Variants in ST8SIA5 observed in about 807,000 individuals in gnomAD.
ST8SIA5 encodes ST8 alpha-N-acetyl-neuraminide alpha-2,8-sialyltransferase 5, also known as alpha-2,8-sialyltransferase 8E.
Under a neutral mutation model 40.2 loss-of-function variants are expected in ST8SIA5, and 24 were observed. That is an observed-to-expected ratio of 0.60 (90% CI 0.43 to 0.84). The LOEUF is 0.84. ST8SIA5 is among the 40% of genes least tolerant of loss of function. ST8SIA5 has a pLI of 0.00. For missense variants in ST8SIA5, 465 were observed against 498.5 expected (o/e 0.93, Z 0.64); for synonymous variants, 198 against 201.8 (o/e 0.98, Z 0.16).
intron 1 of ST8SIA5, among the ~76,000 whole-genome samples, chr18:46,732,600 C>T (rs2039995346): frequency 6.6e-6 from 1 of 152,134 alleles, no homozygotes; most frequent in Non-Finnish European, 1.5e-5. Context: ...GACTGTACTC[C>T]CTATCATTAG....
intron 3 of ST8SIA5, chr18:46,691,475 C>T (rs1162173496): frequency 6.6e-6 from 1 of 152,286 alleles, no homozygotes; most frequent in Non-Finnish European, 1.5e-5. Context: ...TGCCAGATTA[C>T]ATCAACTCCA....
At chr18:46,709,729 G>A (rs2039703676) in intron 1 of ST8SIA5, among the ~76,000 whole-genome samples, 1 of 152,216 alleles carries the variant, frequency 6.6e-6, no homozygotes, top group African/African-American at 2.4e-5. Context: ...GTATGTGAAA[G>A]CATGGGCAAA....
intron 1 of ST8SIA5, among the ~76,000 whole-genome samples, chr18:46,711,000 G>GAAACT (rs1456495561): frequency 6.6e-6 from 1 of 152,166 alleles, no homozygotes; most frequent in African/African-American, 2.4e-5. Context: ...GGTGAACAGG[G>GAAACT]AAACTAATCT....
At chr18:46,700,062 T>C (rs1221586017) in intron 2 of ST8SIA5, among the ~76,000 whole-genome samples, 1 of 152,218 alleles carries the variant, frequency 6.6e-6, no homozygotes, top group African/African-American at 2.4e-5. Context: ...AGGCAGCAAC[T>C]GAAGATTCTT....
At chr18:46,685,888 C>T (rs943925306) in intron 5 of ST8SIA5, 14 of 405,736 alleles carry the variant, frequency 3.5e-5, no homozygotes, top group South Asian at 1.3e-4. Flanking sequence ...GAGGACCTCC[C>T]GACACAGCTG....
rs778925951 is a variant in ST8SIA5 at position 46,721,333 on chromosome 18, A to G, written c.132-16669T>C. 409 of 1,532,516 alleles carry G rather than the reference A, an allele frequency of 2.7e-4. 1 individual carries two copies. Among genetic ancestry groups the G allele is most frequent in the Non-Finnish European group, 3.4e-4 (391 of 1,144,238 alleles). 94.9% of individuals were successfully genotyped at this position (1,532,516 alleles called of 1,614,324 possible). Reference sequence around the variant, plus strand: ...GGCCACCCCGGGTTGAGCTTCCCCCACTCCCTGGCCTTTTGCCGGGGTCTG... The same window carrying G: ...GGCCACCCCGGGTTGAGCTTCCCCCGCTCCCTGGCCTTTTGCCGGGGTCTG... On this transcript the variant is annotated intron_variant, in intron 1 of 6. Coordinates refer to ENST00000315087, the MANE Select transcript of ST8SIA5 (RefSeq NM_013305.6).
intron 1 of ST8SIA5, among the ~76,000 whole-genome samples, chr18:46,710,371 C>CTTTCTTTCTTTCTTTA: frequency 2.7e-5 from 1 of 37,692 alleles, no homozygotes; most frequent in African/African-American, 7.8e-5. Flanking sequence ...TCTTTTCTTT[C>CTTTCTTTCTTTCTTTA]TTTCTTTCTT....
intron 2 of ST8SIA5, among the ~76,000 whole-genome samples, chr18:46,697,378 G>A (rs2039567200): frequency 6.6e-6 from 1 of 152,102 alleles, no homozygotes; most frequent in Non-Finnish European, 1.5e-5. Context: ...TCTACTTAGG[G>A]TACAAAGAAA....
At chr18:46,692,347 G>A in intron 2 of ST8SIA5, 92 bp from the exon 3 acceptor site, 1 of 1,098,830 alleles carries the variant, frequency 9.1e-7, no homozygotes, top group Non-Finnish European at 1.4e-6. Context: ...TCTCCCATAG[G>A]CCAAGTCCAG....
chr18:46,744,084 C>A (rs899880566), intron 1 of ST8SIA5, among the ~76,000 whole-genome samples: 1 of 152,196 alleles, frequency 6.6e-6, no homozygotes. Flanking sequence ...TGGAAAGGAA[C>A]AACCGGTACC....
intron 1 of ST8SIA5, among the ~76,000 whole-genome samples, chr18:46,736,309 G>A (rs1447644282): frequency 1.3e-5 from 2 of 152,118 alleles, no homozygotes; most frequent in African/African-American, 4.8e-5. Flanking sequence ...GGCACACAAT[G>A]GATGCTTTCT....
At chr18:46,721,009 C>CCA (rs1379565597) in intron 1 of ST8SIA5, among the ~76,000 whole-genome samples, 4 of 152,018 alleles carry the variant, frequency 2.6e-5, no homozygotes, top group Non-Finnish European at 5.9e-5. Flanking sequence ...TGCCACCCAC[C>CCA]CACACACACC....
In ST8SIA5 at chr18:46,700,904, C is replaced by T. The variant is rs114321300; in HGVS notation, c.224+3668G>A. On this transcript the variant is annotated intron_variant, in intron 2 of 6. Transcript: ENST00000315087. Reference sequence around the variant, plus strand: ...TTCCTCTCTAAAGAGAGTGCAGAGACCATGGGCTAGTACAGTCAGACCATG... The same window carrying T: ...TTCCTCTCTAAAGAGAGTGCAGAGATCATGGGCTAGTACAGTCAGACCATG... 9.3e-3 allele frequency among the ~76,000 whole-genome samples: 1,413 copies of T among 152,250 alleles called. 25 individuals are homozygous for T. The highest frequency in any genetic ancestry group is 0.032 in the African/African-American group (1,335 of 41,528).
At chr18:46,716,086 GGATAGATAGATAGATAGATAGATAGATA>G (rs61514320) in intron 1 of ST8SIA5, among the ~76,000 whole-genome samples, 8 of 139,776 alleles carry the variant, frequency 5.7e-5, no homozygotes, top group East Asian at 2.1e-4. Flanking sequence ...GAGTCACACA[GGATAGATAGATAGATAGATAGATAGATA>G]GATAGATAGA....
In ST8SIA5 at chr18:46,730,098, A is replaced by G. The variant is rs2039971998; in HGVS notation, c.132-25434T>C. ...AAGAAGGTGTTATCAGTGCCTCTCC[A>G]TCAGTCACAAACCTGCAGCTGCCAT... On this transcript the variant is annotated intron_variant, in intron 1 of 6. Transcript: ENST00000315087. 6 of 901,468 alleles carry G rather than the reference A, an allele frequency of 6.7e-6. No homozygotes were observed. In the South Asian group the frequency reaches 3.0e-4, roughly 46 times the overall value. The allele number at this position is 901,468 out of a possible 1,614,324, so 55.8% of individuals were successfully genotyped here.
At chr18:46,705,367 A>G (rs1162470008) in intron 1 of ST8SIA5, among the ~76,000 whole-genome samples, 1 of 152,180 alleles carries the variant, frequency 6.6e-6, no homozygotes, top group Non-Finnish European at 1.5e-5. Context: ...ATTTCAACCA[A>G]CACTTACTAA....
intron 5 of ST8SIA5, among the ~76,000 whole-genome samples, chr18:46,685,264 G>C (rs942497398): frequency 6.6e-6 from 1 of 152,180 alleles, no homozygotes; most frequent in African/African-American, 2.4e-5. Flanking sequence ...GGCTTTCCTT[G>C]CCTTTCCTGG....
chr18:46,708,092 C>G (rs1344714079), intron 1 of ST8SIA5, among the ~76,000 whole-genome samples: 1 of 152,180 alleles, frequency 6.6e-6, no homozygotes, highest in Non-Finnish European at 1.5e-5. Context: ...TTCATGGAAT[C>G]CACTGGCACA....
In ST8SIA5 at chr18:46,680,422, T is replaced by G; in HGVS notation, c.751A>C (p.Asn251His). ...NASVLLPAFY[N>H]TRNTDVSIRV... is the part of the protein sequence containing the mutation. Reference sequence around the variant, plus strand: ...ATGGACACGTCGGTGTTGCGCGTGTTGTAGAAGGCAGGCAGCAGCACCGAC... The same window carrying G: ...ATGGACACGTCGGTGTTGCGCGTGTGGTAGAAGGCAGGCAGCAGCACCGAC... The change falls in exon 7 of 7, where the codon AAC (asparagine) becomes CAC (histidine). Residue 251 changes from asparagine (N) to histidine (H), a missense_variant. Coordinates refer to ENST00000315087, the MANE Select transcript of ST8SIA5 (RefSeq NM_013305.6). The G allele has an allele frequency of 1.2e-6, 2 of 1,613,330 alleles. No homozygotes were observed. Among genetic ancestry groups the G allele is most frequent in the Non-Finnish European group, 1.7e-6 (2 of 1,179,642 alleles).
Sources: gnomAD v4.1 joint callset for allele counts (sites outside exome capture counted in the v4.1 genomes callset) on GRCh38, gnomAD v4.1.1 for gene constraint, MANE v1.5 for transcripts, NCBI Gene and HGNC (gene_info 2026-07-23, HGNC 2026-07-21) for gene names.